The following KHDC4 variants were observed in gnomAD, a reference collection of about 807,000 sequenced individuals.
KHDC4 encodes KH homology domain-containing protein 4.
In KHDC4, 19 loss-of-function variants were observed where a neutral mutation model predicts 74.5. The observed-to-expected ratio is 0.26, with a 90% CI of 0.18 to 0.37. The LOEUF (loss-of-function observed/expected upper bound fraction) is 0.37. KHDC4 is among the 10% of genes least tolerant of loss of function. KHDC4 has a pLI of 1.00. For synonymous variants in KHDC4, 253 were observed against 266.1 expected, an observed-to-expected ratio of 0.95 and a Z score of 0.48; for missense variants, 632 against 754.1, an observed-to-expected ratio of 0.84 and a Z score of 1.90.
At chr1:155,934,062 T>C (rs950866184) in intron 1 of KHDC4, among the ~76,000 whole-genome samples, 3 of 152,136 alleles carry the variant, frequency 2.0e-5, no homozygotes, top group Admixed American at 6.5e-5. Flanking sequence ...TCGTTTCTAC[T>C]GTCACCTATA....
chr1:155,926,579 A>C, intron 6 of KHDC4, 97 bp downstream of exon 6: 3 of 1,391,792 alleles, frequency 2.2e-6, no homozygotes, highest in Non-Finnish European at 2.0e-6. Context: ...GGCCTCCCAA[A>C]GTGCTGGGAT....
intron 13 of KHDC4, 56 bp from the exon 14 acceptor site, chr1:155,914,376 T>C (rs1387323929): frequency 2.4e-5 from 30 of 1,251,710 alleles, no homozygotes; most frequent in Non-Finnish European, 2.6e-5. Flanking sequence ...AAAAAAAAAA[T>C]ACCATAAATT....
chr1:155,933,830 G>A lies in KHDC4; in HGVS notation c.58C>T (p.Gln20Ter). 6.4e-7 allele frequency: 1 copy of A among 1,566,036 alleles called. No individual in the cohort carries two copies. Among genetic ancestry groups the A allele is most frequent in the Non-Finnish European group, 8.7e-7 (1 of 1,153,462 alleles). The change falls in exon 2 of 14, where the codon CAA becomes TAA. Residue 20 changes from glutamine (Q) to a stop codon, truncating the protein, a stop_gained. Coordinates refer to ENST00000368321, the MANE Select transcript of KHDC4 (RefSeq NM_014949.4). LOFTEE classifies it high-confidence loss of function. ...GAGGRRSKWD[Q>*]PAPAPLLFLP... ...AAGAGAAGTGGGGCTGGAGCTGGTT[G>A]GTCCCATTTGCTGCGGCGCCTACAT... is the stretch of plus-strand genomic sequence containing the variant.
At position 155,933,866 on chromosome 1, in the gene KHDC4, G is replaced by T; in HGVS notation, c.39-17C>A. ...CTGCGGCGCCTACATGGAGAAAAAG[G>T]AAAACATTAGGCCCCAAAGCTTTCG... On this transcript the variant is annotated splice_polypyrimidine_tract_variant and intron_variant, in intron 1 of 13. Transcript: ENST00000368321. The T allele has an allele frequency of 1.3e-6, 2 of 1,503,856 alleles. No homozygotes were observed. Among genetic ancestry groups the T allele is most frequent in the Non-Finnish European group, 1.8e-6 (2 of 1,120,466 alleles). 93.2% of individuals were successfully genotyped at this position (1,503,856 alleles called of 1,614,324 possible).
chr1:155,926,750 T>C lies in KHDC4; in HGVS notation c.607A>G (p.Thr203Ala). 6.2e-7 allele frequency: 1 copy of C among 1,614,150 alleles called. No homozygotes were observed. Among genetic ancestry groups the C allele is most frequent in the Non-Finnish European group, 8.5e-7 (1 of 1,180,018 alleles). ...TSPTFNGATVTVYHQPAPIAQ... is the reference protein window; with the variant it reads ...TSPTFNGATVAVYHQPAPIAQ... Reference sequence around the variant, plus strand: ...ATGGGTGCTGGCTGGTGATAGACAGTTACTGTTGCACCATTAAAAGTTGGA... The same window carrying C: ...ATGGGTGCTGGCTGGTGATAGACAGCTACTGTTGCACCATTAAAAGTTGGA... Residue 203 changes from threonine to alanine, a missense_variant, in exon 6 of 14, where the codon ACT becomes GCT. Physicochemically the swap from Thr to Ala is moderately conservative, Grantham distance 58 (BLOSUM62 0). This residue lies in a region of KHDC4 where 233 missense variants were observed against 342.6 expected (regional missense o/e 0.68). Coordinates refer to ENST00000368321, the MANE Select transcript of KHDC4 (RefSeq NM_014949.4).
At position 155,926,219 on chromosome 1, in the gene KHDC4, C is replaced by T. The variant is rs189641504; in HGVS notation, c.682-376G>A. On this transcript the variant is annotated intron_variant, in intron 6 of 13. Coordinates refer to ENST00000368321, the MANE Select transcript of KHDC4 (RefSeq NM_014949.4). Reference sequence around the variant, plus strand: ...ATGTGTGATCAGGTGTTCATTATACCGTGGAGAGCTGGATAACACACAAAC... The same window carrying T: ...ATGTGTGATCAGGTGTTCATTATACTGTGGAGAGCTGGATAACACACAAAC... The T allele has an allele frequency of 2.9e-4, 117 of 399,054 alleles. No individual in the cohort carries two copies. The Admixed American group carries it at 3.7e-3, about 13-fold the overall frequency. 24.7% of individuals were successfully genotyped at this position (399,054 alleles called of 1,614,324 possible). A position where few individuals can be genotyped will look rare whatever the true frequency, so the allele number is the denominator to read the frequency against.
intron 4 of KHDC4, among the ~76,000 whole-genome samples, chr1:155,927,819 A>C (rs1296799482): frequency 9.6e-5 from 10 of 104,276 alleles, no homozygotes; most frequent in South Asian, 6.9e-4. Flanking sequence ...AAAAAAAAAA[A>C]AAAAAAAAAA....
At chr1:155,921,174 T>C (rs1673855117) in intron 10 of KHDC4, 2 of 599,844 alleles carry the variant, frequency 3.3e-6, no homozygotes, top group South Asian at 2.1e-5. Flanking sequence ...GCAAGACTTG[T>C]GAAAATATAA....
At chr1:155,917,118 C>G (rs948860253) in intron 11 of KHDC4, among the ~76,000 whole-genome samples, 2 of 152,042 alleles carry the variant, frequency 1.3e-5, no homozygotes, top group Non-Finnish European at 2.9e-5. Context: ...AATTAAGAAT[C>G]TTTTTAACTT....
In KHDC4 at chr1:155,926,393, G is replaced by T. The variant is rs574951053; in HGVS notation, c.681+283C>A. On this transcript the variant is annotated intron_variant, in intron 6 of 13. Coordinates refer to ENST00000368321, the MANE Select transcript of KHDC4 (RefSeq NM_014949.4). ...GGCCCAGGCTGGAGTGCAGTGGCAT[G>T]GTCTCAGCTCCCTGCAACCTCCACC... 271 of 365,190 alleles carry T rather than the reference G, an allele frequency of 7.4e-4. 4 individuals are homozygous for T. Among genetic ancestry groups the T allele is most frequent in the South Asian group, 4.3e-3 (200 of 46,192 alleles). 22.6% of individuals were successfully genotyped at this position (365,190 alleles called of 1,614,324 possible).
At chr1:155,917,887 T>C (rs748452899) in intron 10 of KHDC4, among the ~76,000 whole-genome samples, 14 of 152,152 alleles carry the variant, frequency 9.2e-5, no homozygotes, top group Non-Finnish European at 1.5e-4. Flanking sequence ...CTATATACAG[T>C]GCTTTGAACT....
Position 155,933,648 on chromosome 1 carries a change from C to T in KHDC4, c.240G>A (p.Gln80=), listed in dbSNP as rs1674191170. Residue 80 remains glutamine (Q), a synonymous_variant, in exon 2 of 14, where the codon CAG becomes CAA. Transcript: ENST00000368321. ...CTTCAAATACCTTCTCAGAAGCATT[C>T]TGAGTTGGTTTCAGCTTCCCTTTTG... ...LMAKGKLKPT[Q]NASEKLQAPG... 1.9e-6 allele frequency: 3 copies of T among 1,607,246 alleles called. No homozygotes were observed. The highest frequency in any genetic ancestry group is 2.6e-6 in the Non-Finnish European group (3 of 1,174,606).
intron 4 of KHDC4, among the ~76,000 whole-genome samples, chr1:155,928,682 G>A (rs916884835): frequency 6.6e-6 from 1 of 151,848 alleles, no homozygotes; most frequent in Non-Finnish European, 1.5e-5. Context: ...GCCGGGCGTG[G>A]TGGCTCACGC....
Position 155,914,053 on chromosome 1 carries a change from G to T in KHDC4, c.*68C>A. 7.4e-7 allele frequency: 1 copy of T among 1,359,974 alleles called. No homozygotes were observed. Among genetic ancestry groups the T allele is most frequent in the Non-Finnish European group, 1.1e-6 (1 of 949,684 alleles). The allele number at this position is 1,359,974 out of a possible 1,614,324, so 84.2% of individuals were successfully genotyped here. ...TTCCCAGCACAGGCCCCAGAGTCTTGTTAAATCAAATGCATGCATTATTGC... is the reference window on the plus strand; with the variant it reads ...TTCCCAGCACAGGCCCCAGAGTCTTTTTAAATCAAATGCATGCATTATTGC... On this transcript the variant is annotated 3_prime_UTR_variant, in exon 14 of 14. Transcript: ENST00000368321.
At chr1:155,924,050 G>A (rs1477736112) in intron 7 of KHDC4, among the ~76,000 whole-genome samples, 1 of 152,176 alleles carries the variant, frequency 6.6e-6, no homozygotes, top group Non-Finnish European at 1.5e-5. Flanking sequence ...GGGCGTGGTG[G>A]TTCACGCCTG....
At chr1:155,919,996 C>T (rs1487694326) in intron 10 of KHDC4, 4 of 517,752 alleles carry the variant, frequency 7.7e-6, no homozygotes, top group African/African-American at 5.8e-5. Flanking sequence ...GGCATGGGTA[C>T]ACTATGAGAG....
At chr1:155,917,362 A>T in intron 11 of KHDC4, 137 bp downstream of exon 11, 1 of 771,634 alleles carries the variant, frequency 1.3e-6, no homozygotes, top group Non-Finnish European at 2.2e-6. Context: ...GTTGAATAGG[A>T]TAAAAAACCT....
rs751504873 is a variant in KHDC4 at position 155,916,690 on chromosome 1, C to T, written c.1488G>A (p.Gln496=). The change falls in exon 12 of 14, where the codon CAG becomes CAA. Residue 496 remains glutamine, a synonymous_variant. Transcript: ENST00000368321. ...TCGATCCTGCACCTTCAATCTCATT[C>T]TGACTGGAGAAGCCTGTACCTAAAT... ...MTNLGTGFSS[Q]NEIEGAGSKP... is the part of the protein sequence containing the mutation. 1.2e-6 allele frequency: 2 copies of T among 1,614,042 alleles called. No homozygotes were observed. Among genetic ancestry groups the T allele is most frequent in the South Asian group, 1.1e-5 (1 of 91,062 alleles).
At position 155,922,921 on chromosome 1, in the gene KHDC4, C is replaced by T. The variant is rs145406760; in HGVS notation, c.954+706G>A. Among the ~76,000 whole-genome samples the T allele has an allele frequency of 4.5e-3, 685 of 152,236 alleles. 8 individuals carry two copies. The highest frequency in any genetic ancestry group is 0.015 in the African/African-American group (641 of 41,554). On this transcript the variant is annotated intron_variant, in intron 8 of 13. Transcript: ENST00000368321. The stretch of plus-strand genomic sequence containing the variant: ...TTCCTCTAAGTGCTATAAAGACAGT[C>T]CTGGCCGGGCGCGGTGGCTCACGCC...
Sources: allele counts gnomAD v4.1 joint callset (sites outside exome capture counted in the v4.1 genomes callset), GRCh38; gene constraint gnomAD v4.1.1; regional missense constraint gnomAD v4.1.1; transcripts MANE v1.5; gene names NCBI Gene and HGNC (gene_info 2026-07-23, HGNC 2026-07-21).